Variants in AIG1 observed in about 807,000 individuals in gnomAD.
AIG1 encodes androgen induced 1.
Under a neutral mutation model 31.4 loss-of-function variants are expected in AIG1, and 23 were observed. The ratio of observed to expected loss-of-function variants is 0.73; its 90% CI spans 0.53 to 1.04. The LOEUF is 1.04. Among genes scored for constraint, AIG1 ranks in the 50% least tolerant of loss-of-function variants. The pLI, the probability that AIG1 is intolerant of heterozygous loss-of-function variation, is 0.00. For missense variants in AIG1, 274 were observed against 295.0 expected (o/e 0.93, Z 0.52); for synonymous variants, 100 against 110.5 (o/e 0.90, Z 0.60).
intron 1 of AIG1, among the ~76,000 whole-genome samples, chr6:143,127,238 A>G (rs972287043): frequency 1.3e-5 from 2 of 152,108 alleles, no homozygotes; most frequent in Non-Finnish European, 2.9e-5. Flanking sequence ...TTTCTTTATG[A>G]CACCAATAAA....
intron 1 of AIG1, among the ~76,000 whole-genome samples, chr6:143,131,178 T>A (rs9496527): frequency 0.025 from 3,800 of 152,344 alleles, 143 homozygotes; most frequent in African/African-American, 0.078. Flanking sequence ...CATTGTTGGG[T>A]TAAGTCTGAT....
At chr6:143,064,316 G>A (rs117718845) in intron 1 of AIG1, among the ~76,000 whole-genome samples, 272 of 152,312 alleles carry the variant, frequency 1.8e-3, no homozygotes, top group Non-Finnish European at 3.0e-3. Flanking sequence ...AGGAAGATGT[G>A]ACTGGAAGAA....
At chr6:143,202,825 G>T (rs566180709) in intron 3 of AIG1, among the ~76,000 whole-genome samples, 1 of 152,252 alleles carries the variant, frequency 6.6e-6, no homozygotes, top group South Asian at 2.1e-4. Context: ...GTGGAAGGCC[G>T]CAATCACTAG....
intron 3 of AIG1, among the ~76,000 whole-genome samples, chr6:143,221,868 T>C (rs1244356445): frequency 1.3e-5 from 2 of 152,238 alleles, no homozygotes; most frequent in African/African-American, 4.8e-5. Context: ...ATCAGTATTT[T>C]TGGATCTAGA....
At chr6:143,114,348 C>G (rs1399750387) in intron 1 of AIG1, among the ~76,000 whole-genome samples, 1 of 152,200 alleles carries the variant, frequency 6.6e-6, no homozygotes, top group Non-Finnish European at 1.5e-5. Flanking sequence ...AGGGAAAATG[C>G]TGCGAGAACC....
rs139068898 is a variant in AIG1 at position 143,294,067 on chromosome 6, G to A, written c.515+9842G>A. On this transcript the variant is annotated intron_variant, in intron 4 of 5. Coordinates refer to ENST00000357847, the MANE Select transcript of AIG1 (RefSeq NM_016108.4). ...TGCACCCATCCTCTCTTCACCTCCT[G>A]AGACAATAGGAAAAGGGCCTCTATG... Among the ~76,000 whole-genome samples, 857 of 152,148 alleles carry A rather than the reference G, an allele frequency of 5.6e-3. 3 individuals carry two copies. Among genetic ancestry groups the A allele is most frequent in the African/African-American group, 0.019 (773 of 41,494 alleles).
intron 3 of AIG1, among the ~76,000 whole-genome samples, chr6:143,239,204 A>G (rs571175991): frequency 6.6e-6 from 1 of 152,334 alleles, no homozygotes; most frequent in East Asian, 1.9e-4. Context: ...GGGAGGATGT[A>G]TAGCGGAAAT....
chr6:143,228,005 T>C (rs1201584090), intron 3 of AIG1, among the ~76,000 whole-genome samples: 2 of 152,218 alleles, frequency 1.3e-5, no homozygotes, highest in Admixed American at 6.5e-5. Context: ...GTTCAAACAC[T>C]TTAAAGCCTG....
At chr6:143,312,595 C>T (rs1243269033) in intron 4 of AIG1, among the ~76,000 whole-genome samples, 5 of 152,048 alleles carry the variant, frequency 3.3e-5, no homozygotes, top group Non-Finnish European at 7.4e-5. Context: ...ATACCTCAAA[C>T]TATGAAACCA....
intron 4 of AIG1, among the ~76,000 whole-genome samples, chr6:143,295,204 A>C (rs955597146): frequency 6.6e-6 from 1 of 152,158 alleles, no homozygotes; most frequent in Non-Finnish European, 1.5e-5. Context: ...CTGTACCTCC[A>C]GTGTACTTGT....
intron 3 of AIG1, among the ~76,000 whole-genome samples, chr6:143,205,846 G>A (rs187373987): frequency 6.6e-6 from 1 of 152,208 alleles, no homozygotes; most frequent in Admixed American, 6.5e-5. Flanking sequence ...AATACAGATT[G>A]CAGGGCAAAG....
At chr6:143,178,923 T>C (rs905274318) in intron 3 of AIG1, among the ~76,000 whole-genome samples, 1 of 152,160 alleles carries the variant, frequency 6.6e-6, no homozygotes, top group Non-Finnish European at 1.5e-5. Flanking sequence ...GGATCTGTTA[T>C]ATATACTCAC....
intron 3 of AIG1, among the ~76,000 whole-genome samples, chr6:143,182,013 C>CT (rs963140229): frequency 9.3e-5 from 14 of 150,864 alleles, no homozygotes; most frequent in South Asian, 2.1e-4. Flanking sequence ...CTCTCTCTCT[C>CT]TTTTTTTTTC....
chr6:143,147,230 G>T (rs1165757961), intron 2 of AIG1, among the ~76,000 whole-genome samples: 1 of 152,188 alleles, frequency 6.6e-6, no homozygotes, highest in Admixed American at 6.5e-5. Context: ...CGCAGAGGGA[G>T]TGAAAGGAGC....
At chr6:143,301,357 T>C (rs1308404419) in intron 4 of AIG1, among the ~76,000 whole-genome samples, 1 of 152,222 alleles carries the variant, frequency 6.6e-6, no homozygotes, top group Non-Finnish European at 1.5e-5. Flanking sequence ...GGCCATCAGG[T>C]AGGTTTCCAT....
At position 143,237,214 on chromosome 6, in the gene AIG1, A is replaced by T. The variant is rs529607532; in HGVS notation, c.400-46896A>T. 3.3e-5 allele frequency among the ~76,000 whole-genome samples: 5 copies of T among 152,326 alleles called. No homozygotes were observed. The South Asian group carries it at 8.3e-4, about 25-fold the overall frequency. ...TCCTTAAACATAGTGTCACACATCCATTAGCAATCCCCATCTATCTATCCA... is the reference window on the plus strand; with the variant it reads ...TCCTTAAACATAGTGTCACACATCCTTTAGCAATCCCCATCTATCTATCCA... On this transcript the variant is annotated intron_variant, in intron 3 of 5. Coordinates refer to ENST00000357847, the MANE Select transcript of AIG1 (RefSeq NM_016108.4).
chr6:143,208,038 A>G (rs893518906), intron 3 of AIG1, among the ~76,000 whole-genome samples: 18 of 152,286 alleles, frequency 1.2e-4, no homozygotes, highest in Middle Eastern at 3.4e-3. Flanking sequence ...TCAGTATGAA[A>G]TGAGACCAGA....
At chr6:143,228,128 C>T (rs1793158064) in intron 3 of AIG1, among the ~76,000 whole-genome samples, 1 of 152,146 alleles carries the variant, frequency 6.6e-6, no homozygotes, top group African/African-American at 2.4e-5. Flanking sequence ...TGCACCAGTC[C>T]CTGTGTTACC....
intron 3 of AIG1, among the ~76,000 whole-genome samples, chr6:143,197,011 T>A (rs1562481673): frequency 1.3e-5 from 2 of 152,212 alleles, no homozygotes; most frequent in South Asian, 2.1e-4. Context: ...TCTCTGTGTA[T>A]CTCAGAGATC....
Sources: gnomAD v4.1 joint callset for allele counts (sites outside exome capture counted in the v4.1 genomes callset) on GRCh38, gnomAD v4.1.1 for gene constraint, MANE v1.5 for transcripts, NCBI Gene and HGNC (gene_info 2026-07-23, HGNC 2026-07-21) for gene names.